TBC1D5: variants seen among roughly 807,000 people sequenced by gnomAD.
TBC1D5 encodes TBC1 domain family, member 5.
A neutral mutation model predicts 100.3 loss-of-function variants in TBC1D5; 75 were observed. The ratio of observed to expected loss-of-function variants is 0.75; its 90% confidence interval spans 0.62 to 0.91. The LOEUF (loss-of-function observed/expected upper bound fraction) is 0.91, where lower values mean the gene tolerates loss of function less well. Ranked by LOEUF, TBC1D5 falls within the 40% of genes least tolerant of loss-of-function variation. The probability of loss-of-function intolerance (pLI) is 0.00; values close to 1 mark genes in which losing one functional copy is unlikely to be tolerated. For synonymous variants in TBC1D5, 323 were observed against 325.6 expected, an observed-to-expected ratio of 0.99 and a Z score of 0.09; for missense variants, 910 against 942.4, an observed-to-expected ratio of 0.97 and a Z score of 0.45.
intron 15 of TBC1D5, among the ~76,000 whole-genome samples, chr3:17,260,944 T>C (rs1420350102): frequency 6.6e-6 from 1 of 152,224 alleles, no homozygotes; most frequent in Non-Finnish European, 1.5e-5. Context: ...GTGTGTATTT[T>C]ATACTTATGG....
chr3:17,455,456 GTGTATATATATGTGTATATATA>G (rs1196670219), intron 3 of TBC1D5, among the ~76,000 whole-genome samples: 211 of 146,010 alleles, frequency 1.4e-3, no homozygotes, highest in African/African-American at 4.2e-3. Flanking sequence ...ATATATGTGT[GTGTATATATATGTGTATATATA>G]TGTATATATA....
At position 17,619,429 on chromosome 3, in the gene TBC1D5, G is replaced by C. The variant is rs553332014; in HGVS notation, c.-36+4420C>G. On this transcript the variant is annotated intron_variant, in intron 2 of 21. Transcript: ENST00000253692. ...GACTGCTACATGAACAGGCAGAACAGTGCAAATGAACAGAAAATCCAGAAA... is the reference window on the plus strand; with the variant it reads ...GACTGCTACATGAACAGGCAGAACACTGCAAATGAACAGAAAATCCAGAAA... 3.9e-5 allele frequency among the ~76,000 whole-genome samples: 6 copies of C among 152,284 alleles called. No homozygotes were observed. The South Asian group carries it at 1.2e-3, about 32-fold the overall frequency.
At chr3:17,254,182 T>A (rs1003875269) in intron 16 of TBC1D5, among the ~76,000 whole-genome samples, 1 of 152,248 alleles carries the variant, frequency 6.6e-6, no homozygotes, top group African/African-American at 2.4e-5. Flanking sequence ...GTTTCAATGT[T>A]GTTTGTTGTG....
intron 13 of TBC1D5, among the ~76,000 whole-genome samples, chr3:17,320,371 A>G (rs1226217958): frequency 6.6e-6 from 1 of 152,230 alleles, no homozygotes; most frequent in Non-Finnish European, 1.5e-5. Context: ...AGCTCTAGGC[A>G]AAGTTCAGCA....
chr3:17,436,593 C>T (rs2094540031), intron 3 of TBC1D5, among the ~76,000 whole-genome samples: 1 of 151,998 alleles, frequency 6.6e-6, no homozygotes, highest in South Asian at 2.1e-4. Flanking sequence ...CTTATAATAT[C>T]CTTCCTGACA....
chr3:17,656,179 C>T (rs2153730680), intron 1 of TBC1D5, among the ~76,000 whole-genome samples: 1 of 152,286 alleles, frequency 6.6e-6, no homozygotes, highest in East Asian at 1.9e-4. Context: ...TGCCCTGAAT[C>T]CAGTCTCTGA....
intron 2 of TBC1D5, among the ~76,000 whole-genome samples, chr3:17,572,945 C>G (rs2096636480): frequency 6.6e-6 from 1 of 152,100 alleles, no homozygotes; most frequent in African/African-American, 2.4e-5. Context: ...CATCTTTGTT[C>G]TATCAATGCC....
At chr3:17,623,240 C>G (rs954318772) in intron 2 of TBC1D5, among the ~76,000 whole-genome samples, 5 of 152,158 alleles carry the variant, frequency 3.3e-5, no homozygotes, top group African/African-American at 1.2e-4. Context: ...GTCTCAGATT[C>G]TGCGTATCTA....
intron 3 of TBC1D5, among the ~76,000 whole-genome samples, chr3:17,488,418 A>G (rs2095597351): frequency 6.6e-6 from 1 of 152,228 alleles, no homozygotes; most frequent in Non-Finnish European, 1.5e-5. Context: ...TGGCAATTAT[A>G]AATAAAGCTG....
intron 2 of TBC1D5, among the ~76,000 whole-genome samples, chr3:17,590,943 A>G (rs2096763225): frequency 6.6e-6 from 1 of 152,078 alleles, no homozygotes; most frequent in African/African-American, 2.4e-5. Flanking sequence ...TTTGAATCAT[A>G]AAAACAGAGA....
intron 1 of TBC1D5, among the ~76,000 whole-genome samples, chr3:17,706,868 T>C (rs998710653): frequency 1.3e-5 from 2 of 151,434 alleles, no homozygotes; most frequent in Admixed American, 6.6e-5. Context: ...CCTTTTTTTT[T>C]TAAAAAAAGT....
intron 4 of TBC1D5, among the ~76,000 whole-genome samples, chr3:17,413,515 TA>T (rs1284507196): frequency 1.3e-5 from 2 of 151,502 alleles, no homozygotes; most frequent in Non-Finnish European, 2.9e-5. Flanking sequence ...TATCTATTTG[TA>T]ATTATATATT....
At chr3:17,253,020 T>C (rs949204187) in intron 16 of TBC1D5, among the ~76,000 whole-genome samples, 1 of 152,242 alleles carries the variant, frequency 6.6e-6, no homozygotes, top group Non-Finnish European at 1.5e-5. Flanking sequence ...CGTCTGGCAC[T>C]GTGTATAGTA....
chr3:17,401,479 C>T lies in TBC1D5; in HGVS notation c.509+1702G>A, dbSNP rs1351268295. Among the ~76,000 whole-genome samples the T allele has an allele frequency of 2.0e-5, 3 of 152,024 alleles. No individual in the cohort carries two copies. The East Asian group carries it at 5.8e-4, about 29-fold the overall frequency. Reference sequence around the variant, plus strand: ...AGAAGTTTTCAAGAACTAACACTTTCTTACATAACAAAGCAGAAATGTTCG... The same window carrying T: ...AGAAGTTTTCAAGAACTAACACTTTTTTACATAACAAAGCAGAAATGTTCG... On this transcript the variant is annotated intron_variant, in intron 8 of 21. Coordinates refer to ENST00000253692, the Ensembl canonical transcript of TBC1D5.
rs1205057218 is a variant in TBC1D5 at position 17,567,975 on chromosome 3, C to T, written c.-36+55874G>A. 7.9e-5 allele frequency among the ~76,000 whole-genome samples: 12 copies of T among 151,682 alleles called. 1 individual carries two copies. Among genetic ancestry groups the T allele is most frequent in the East Asian group, 1.9e-4 (1 of 5,188 alleles). On this transcript the variant is annotated intron_variant, in intron 2 of 21. Coordinates refer to ENST00000253692, the Ensembl canonical transcript of TBC1D5. ...AAAACTAATTAAAAACCCTGACCTA[C>T]TAAATCAAAACAACAAGAGTATACT...
rs114403362 is a variant in TBC1D5 at position 17,694,244 on chromosome 3, C to A, written c.-101+45099G>T. The stretch of plus-strand genomic sequence containing the variant: ...TGGAATAAAGCTGTACAGAGAACGA[C>A]TTTGACAAGTTGACAGAAGTAGGCT... On this transcript the variant is annotated intron_variant, in intron 1 of 21. Coordinates refer to ENST00000253692, the Ensembl canonical transcript of TBC1D5. Among the ~76,000 whole-genome samples the A allele has an allele frequency of 6.4e-3, 978 of 152,298 alleles. 7 individuals carry two copies. Among genetic ancestry groups the A allele is most frequent in the African/African-American group, 0.022 (930 of 41,558 alleles).
intron 1 of TBC1D5, among the ~76,000 whole-genome samples, chr3:17,706,832 GATCTA>G (rs1020914485): frequency 3.3e-5 from 5 of 150,832 alleles, no homozygotes; most frequent in South Asian, 4.2e-4. Flanking sequence ...AAAAAAATTA[GATCTA>G]ATCTAAAATT....
intron 1 of TBC1D5, among the ~76,000 whole-genome samples, chr3:17,722,013 T>A (rs2075751051): frequency 6.6e-6 from 1 of 152,026 alleles, no homozygotes; most frequent in Non-Finnish European, 1.5e-5. Context: ...CTACTAATAA[T>A]AATAATAATG....
intron 18 of TBC1D5, among the ~76,000 whole-genome samples, chr3:17,194,329 A>G (rs1048932234): frequency 5.3e-5 from 8 of 152,222 alleles, no homozygotes; most frequent in Non-Finnish European, 1.2e-4. Context: ...TCTTCTCAAC[A>G]TGGAGTAGGA....
Sources: allele counts gnomAD v4.1 joint callset (sites outside exome capture counted in the v4.1 genomes callset), GRCh38; gene constraint gnomAD v4.1.1; transcripts MANE v1.5; gene names NCBI Gene and HGNC (gene_info 2026-07-23, HGNC 2026-07-21).